SLC12A1: variants seen among roughly 807,000 people sequenced by gnomAD.
SLC12A1 encodes Na-K-2Cl cotransporter.
In SLC12A1, 89 loss-of-function variants were observed where a neutral mutation model predicts 130.4. That is an observed-to-expected ratio of 0.68 (90% CI 0.58 to 0.81). The LOEUF (loss-of-function observed/expected upper bound fraction) is 0.81. SLC12A1 is among the 40% of genes least tolerant of loss of function. SLC12A1 has a pLI of 0.00. For missense variants in SLC12A1, 1,310 were observed against 1,336.4 expected, an observed-to-expected ratio of 0.98 and a Z score of 0.31; for synonymous variants, 499 against 460.0, an observed-to-expected ratio of 1.08 and a Z score of -1.09.
chr15:48,274,580 T>C lies in SLC12A1; in HGVS notation c.2412T>C (p.Phe804=). 6.2e-7 allele frequency: 1 copy of C among 1,612,398 alleles called. No individual in the cohort carries two copies. The highest frequency in any genetic ancestry group is 8.5e-7 in the Non-Finnish European group (1 of 1,179,056). ...ENYVGIIHDA[F]DFEIGVVIVR... ...TTGCTTCCTCTTTCAGTGATGCATT[T>C]GATTTTGAGATTGGCGTGGTTATAG... is the stretch of plus-strand genomic sequence containing the variant. Residue 804 remains phenylalanine, a synonymous_variant, in exon 20 of 27, where the codon TTT becomes TTC. Transcript: ENST00000380993.
intron 2 of SLC12A1, among the ~76,000 whole-genome samples, 172 bp from the exon 3 acceptor site, chr15:48,220,462 A>T (rs2041197858): frequency 1.3e-5 from 2 of 152,220 alleles, no homozygotes; most frequent in Non-Finnish European, 2.9e-5. Flanking sequence ...TGAACCTTTC[A>T]GCTTCCAGGG....
intron 5 of SLC12A1, chr15:48,226,953 T>C: frequency 3.0e-6 from 2 of 668,556 alleles, no homozygotes; most frequent in South Asian, 1.9e-5. Context: ...TGGGATCTTT[T>C]AGAACATTTC....
intron 16 of SLC12A1, among the ~76,000 whole-genome samples, 170 bp from the exon 17 acceptor site, chr15:48,259,030 T>A (rs1196350613): frequency 6.6e-6 from 1 of 152,122 alleles, no homozygotes; most frequent in African/African-American, 2.4e-5. Flanking sequence ...AACACAAACA[T>A]GTCAAGACAG....
intron 20 of SLC12A1, among the ~76,000 whole-genome samples, chr15:48,283,371 C>G (rs1329438694): frequency 6.6e-6 from 1 of 151,904 alleles, no homozygotes; most frequent in East Asian, 1.9e-4. Context: ...TGGTTGTGAC[C>G]CCCCAGTGCA....
Position 48,250,676 on chromosome 15 carries a change from T to TCACACACA in SLC12A1, c.1787-915_1787-908dup, listed in dbSNP as rs56705329. Among the ~76,000 whole-genome samples, 502 of 146,026 alleles carry TCACACACA rather than the reference T, an allele frequency of 3.4e-3. 8 individuals are homozygous for TCACACACA. Among genetic ancestry groups the TCACACACA allele is most frequent in the African/African-American group, 0.012 (459 of 38,022 alleles). On this transcript the variant is annotated intron_variant, in intron 14 of 26. Coordinates refer to ENST00000380993, the MANE Select transcript of SLC12A1 (RefSeq NM_000338.3). ...TACACAAACCCAGAAAATGTCTGCC[T>TCACACACA]CACACACACACACACACACACACAC...
chr15:48,303,298 T>G lies in SLC12A1; in HGVS notation c.*413T>G, dbSNP rs2042255358. The G allele has an allele frequency of 6.5e-6, 1 of 154,040 alleles. No individual in the cohort carries two copies. Among genetic ancestry groups the G allele is most frequent in the African/African-American group, 2.4e-5 (1 of 41,478 alleles). 9.5% of individuals were successfully genotyped at this position (154,040 alleles called of 1,614,324 possible). A position where few individuals can be genotyped will look rare whatever the true frequency, so the allele number is the denominator to read the frequency against. ...CCCACAGCAGGATCTCAATAAATGC[T>G]TATTGACAGGCTGGCATAGTAACCA... is the stretch of plus-strand genomic sequence containing the variant. On this transcript the variant is annotated 3_prime_UTR_variant, in exon 27 of 27. Transcript: ENST00000380993.
chr15:48,239,515 A>AAAATATATAAAT (rs1555466503), intron 9 of SLC12A1, among the ~76,000 whole-genome samples: 3 of 143,636 alleles, frequency 2.1e-5, no homozygotes, highest in African/African-American at 7.9e-5. Flanking sequence ...AACCCATCTC[A>AAAATATATAAAT]AAATAAATAA....
intron 23 of SLC12A1, among the ~76,000 whole-genome samples, chr15:48,291,329 GAT>G (rs748355213): frequency 8.0e-5 from 12 of 149,884 alleles, no homozygotes; most frequent in African/African-American, 1.2e-4. Flanking sequence ...ATATAATTTA[GAT>G]ATATGTTTGT....
At chr15:48,280,330 ACAGTATGG>A (rs1249394842) in intron 20 of SLC12A1, among the ~76,000 whole-genome samples, 1 of 152,188 alleles carries the variant, frequency 6.6e-6, no homozygotes, top group Non-Finnish European at 1.5e-5. Flanking sequence ...CATTTACATG[ACAGTATGG>A]CTCAAGAGTC....
chr15:48,294,569 G>A (rs1489925733), intron 24 of SLC12A1, among the ~76,000 whole-genome samples: 2 of 152,062 alleles, frequency 1.3e-5, no homozygotes, highest in Non-Finnish European at 2.9e-5. Flanking sequence ...ATATGAACTG[G>A]GTTGTCATAC....
At chr15:48,238,729 A>G (rs2041467291) in intron 9 of SLC12A1, among the ~76,000 whole-genome samples, 3 of 152,228 alleles carry the variant, frequency 2.0e-5, no homozygotes, top group Admixed American at 2.0e-4. Context: ...TTTACTGTTT[A>G]CACACTATAG....
intron 15 of SLC12A1, 50 bp from the exon 16 acceptor site, chr15:48,255,761 A>G (rs932587320): frequency 1.7e-6 from 2 of 1,147,716 alleles, no homozygotes; most frequent in Admixed American, 2.0e-5. Flanking sequence ...TTCATGGTGC[A>G]CAGAGGAAAG....
intron 7 of SLC12A1, 64 bp downstream of exon 7, chr15:48,230,567 T>A: frequency 2.1e-6 from 2 of 962,430 alleles, no homozygotes; most frequent in Non-Finnish European, 1.6e-6. Flanking sequence ...ATTGCAGGAG[T>A]AGAGGGAACT....
intron 8 of SLC12A1, 68 bp downstream of exon 8, chr15:48,232,906 T>A (rs2041398434): frequency 5.4e-6 from 5 of 928,584 alleles, no homozygotes; most frequent in Middle Eastern, 2.1e-4. Context: ...ACCATCCCCA[T>A]CAACCCAACC....
rs2041304402 is a variant in SLC12A1 at position 48,227,404 on chromosome 15, T to G, written c.724+833T>G. ...ACATGTTTATAAAGTGGAGAGTGAC[T>G]ATGTGTCTAGTAAGAAGGTATGGAA... On this transcript the variant is annotated intron_variant, in intron 5 of 26. Transcript: ENST00000380993. The G allele has an allele frequency of 7.2e-6, 4 of 558,706 alleles. No individual in the cohort carries two copies. In the South Asian group the frequency reaches 8.3e-5, roughly 12 times the overall value. The allele number at this position is 558,706 out of a possible 1,614,324, so 34.6% of individuals were successfully genotyped here.
chr15:48,235,717 A>T (rs1235269111), intron 9 of SLC12A1, among the ~76,000 whole-genome samples: 1 of 151,540 alleles, frequency 6.6e-6, no homozygotes, highest in African/African-American at 2.4e-5. Flanking sequence ...AATAAATAAA[A>T]ATTTTATGTT....
intron 9 of SLC12A1, among the ~76,000 whole-genome samples, chr15:48,239,515 A>AAAATAAATAAATAAATAAATAAATAAAT (rs10530478): frequency 3.5e-5 from 5 of 143,718 alleles, no homozygotes; most frequent in East Asian, 2.0e-4. Flanking sequence ...AACCCATCTC[A>AAAATAAATAAATAAATAAATAAATAAAT]AAATAAATAA....
chr15:48,276,859 G>GT (rs1437923851), intron 20 of SLC12A1, among the ~76,000 whole-genome samples: 1 of 152,170 alleles, frequency 6.6e-6, no homozygotes, highest in Non-Finnish European at 1.5e-5. Context: ...CTGGGGTCAG[G>GT]TAAACCATGG....
At chr15:48,243,021 T>A (rs914348781) in intron 10 of SLC12A1, among the ~76,000 whole-genome samples, 3 of 152,054 alleles carry the variant, frequency 2.0e-5, no homozygotes, top group Non-Finnish European at 4.4e-5. Flanking sequence ...TTCTTCTAGT[T>A]TTGCCCCTAA....
Sources: allele counts gnomAD v4.1 joint callset (sites outside exome capture counted in the v4.1 genomes callset), GRCh38; gene constraint gnomAD v4.1.1; transcripts MANE v1.5; gene names NCBI Gene and HGNC (gene_info 2026-07-23, HGNC 2026-07-21).